Variants in ZBTB20 observed in about 807,000 individuals in gnomAD.
The protein encoded by ZBTB20 is zinc finger and BTB domain containing 20.
Under a neutral mutation model 56.9 loss-of-function variants are expected in ZBTB20, and 9 were observed. That is an observed-to-expected ratio of 0.16 (90% CI 0.10 to 0.28). The LOEUF (loss-of-function observed/expected upper bound fraction) is 0.28. Among genes scored for constraint, ZBTB20 ranks in the 10% least tolerant of loss-of-function variants. The pLI, the probability that ZBTB20 is intolerant of heterozygous loss-of-function variation, is 1.00. For synonymous variants in ZBTB20, 417 were observed against 420.7 expected, an observed-to-expected ratio of 0.99 and a Z score of 0.11; for missense variants, 655 against 1,003.0, an observed-to-expected ratio of 0.65 and a Z score of 4.69.
At chr3:114,813,273 C>T (rs1578987803) in intron 4 of ZBTB20, among the ~76,000 whole-genome samples, 3 of 152,216 alleles carry the variant, frequency 2.0e-5, no homozygotes, top group African/African-American at 7.2e-5. Flanking sequence ...CTTGAAGTCT[C>T]GAACACCTAT....
intron 6 of ZBTB20, among the ~76,000 whole-genome samples, chr3:114,563,402 G>A (rs2052344232): frequency 6.6e-6 from 1 of 152,054 alleles, no homozygotes; most frequent in Non-Finnish European, 1.5e-5. Context: ...TTAATCTTCG[G>A]TAAAAATTTT....
At position 114,849,200 on chromosome 3, in the gene ZBTB20, T is replaced by C. The variant is rs1340036517; in HGVS notation, c.-416-48026A>G. On this transcript the variant is annotated intron_variant, in intron 4 of 11. Transcript: ENST00000675478. ...AACCAAGGTCAGAGCACTGAGACAA[T>C]TGTGCTAACTAGGCAACAGGGATAA... 2.0e-5 allele frequency among the ~76,000 whole-genome samples: 3 copies of C among 152,182 alleles called. No individual in the cohort carries two copies. In the East Asian group the frequency reaches 5.8e-4, roughly 29 times the overall value.
intron 5 of ZBTB20, among the ~76,000 whole-genome samples, chr3:114,772,401 G>A (rs577733946): frequency 6.6e-6 from 1 of 151,904 alleles, no homozygotes; most frequent in Non-Finnish European, 1.5e-5. Flanking sequence ...CTTGATCTGG[G>A]CTTACTTCCT....
At chr3:114,697,644 T>C (rs1484895132) in intron 5 of ZBTB20, among the ~76,000 whole-genome samples, 1 of 151,940 alleles carries the variant, frequency 6.6e-6, no homozygotes, top group Non-Finnish European at 1.5e-5. Context: ...ACCGGTTAAG[T>C]GATGTTGCGT....
intron 5 of ZBTB20, among the ~76,000 whole-genome samples, chr3:114,745,516 C>A (rs2066974094): frequency 6.6e-6 from 1 of 152,142 alleles, no homozygotes; most frequent in Non-Finnish European, 1.5e-5. Flanking sequence ...AAGACTGAAT[C>A]ACCCAAAGAT....
intron 4 of ZBTB20, among the ~76,000 whole-genome samples, chr3:114,857,870 C>T (rs1293758092): frequency 1.3e-5 from 2 of 152,206 alleles, no homozygotes. Context: ...GTGCTTCTGA[C>T]AATCAGTGTC....
intron 6 of ZBTB20, among the ~76,000 whole-genome samples, chr3:114,670,582 A>G (rs995182108): frequency 9.2e-5 from 14 of 152,060 alleles, no homozygotes; most frequent in African/African-American, 3.4e-4. Context: ...TCCTACCAAG[A>G]GACCACCACT....
intron 1 of ZBTB20, among the ~76,000 whole-genome samples, chr3:115,119,798 CAGAG>C (rs983547993): frequency 2.0e-5 from 3 of 152,034 alleles, no homozygotes; most frequent in Admixed American, 6.6e-5. Context: ...TGTTCTAAAA[CAGAG>C]AGAGAGAAAG....
In ZBTB20 at chr3:114,418,685, T is replaced by C. The variant is rs964761494; in HGVS notation, c.-254-29580A>G. On this transcript the variant is annotated intron_variant, in intron 7 of 11. Transcript: ENST00000675478. ...TTACTCAGGGCATTTTAAAGTAGAATAGACAAAACACTAGTGGGGTATGTT... is the reference window on the plus strand; with the variant it reads ...TTACTCAGGGCATTTTAAAGTAGAACAGACAAAACACTAGTGGGGTATGTT... Among the ~76,000 whole-genome samples, 9 of 152,050 alleles carry C rather than the reference T, an allele frequency of 5.9e-5. No individual in the cohort carries two copies. In the South Asian group the frequency reaches 6.2e-4, roughly 11 times the overall value.
chr3:114,341,439 T>C (rs149475356), intron 11 of ZBTB20, among the ~76,000 whole-genome samples: 2 of 152,316 alleles, frequency 1.3e-5, no homozygotes, highest in East Asian at 1.9e-4. Context: ...TTAAAACATG[T>C]CCACCTGTCA....
At chr3:114,559,558 G>A (rs994335937) in intron 6 of ZBTB20, among the ~76,000 whole-genome samples, 1 of 152,042 alleles carries the variant, frequency 6.6e-6, no homozygotes, top group African/African-American at 2.4e-5. Flanking sequence ...TTGGGAAGAG[G>A]GTCCATAGCT....
At chr3:114,993,983 T>C (rs1172560795) in intron 2 of ZBTB20, among the ~76,000 whole-genome samples, 2 of 151,830 alleles carry the variant, frequency 1.3e-5, no homozygotes, top group Non-Finnish European at 2.9e-5. Flanking sequence ...AGAAGAGGTG[T>C]AATATATTAG....
chr3:114,615,342 G>A lies in ZBTB20; in HGVS notation c.-295+78186C>T, dbSNP rs184466808. Among the ~76,000 whole-genome samples the A allele has an allele frequency of 1.8e-3, 275 of 152,116 alleles. 1 individual carries two copies. Among genetic ancestry groups the A allele is most frequent in the South Asian group, 6.2e-3 (30 of 4,812 alleles). On this transcript the variant is annotated intron_variant, in intron 6 of 11. Transcript: ENST00000675478. ...TAGAATGTCCCTGTTAGATATCTAG[G>A]GAATCACTTTTAGGGGACACTATAT...
Position 114,316,626 on chromosome 3 carries a change from C to T in ZBTB20, c.*22379G>A. 3.8e-6 allele frequency: 2 copies of T among 520,010 alleles called. No individual in the cohort carries two copies. Among genetic ancestry groups the T allele is most frequent in the South Asian group, 1.4e-5 (1 of 69,228 alleles). 32.2% of individuals were successfully genotyped at this position (520,010 alleles called of 1,614,324 possible). A position where few individuals can be genotyped will look rare whatever the true frequency, so the allele number is the denominator to read the frequency against. ...AGACACTAGCACATGCTTAACTTTC[C>T]CCTGCTCCCTCTGTATATTTTAAAC... On this transcript the variant is annotated 3_prime_UTR_variant, in exon 12 of 12. Transcript: ENST00000675478.
intron 6 of ZBTB20, among the ~76,000 whole-genome samples, chr3:114,584,647 C>T (rs1433826240): frequency 6.6e-6 from 1 of 152,042 alleles, no homozygotes; most frequent in Non-Finnish European, 1.5e-5. Context: ...AACATTTCAC[C>T]CTGGAGACAG....
At chr3:114,487,730 G>C (rs2042292339) in intron 7 of ZBTB20, among the ~76,000 whole-genome samples, 1 of 152,190 alleles carries the variant, frequency 6.6e-6, no homozygotes, top group African/African-American at 2.4e-5. Context: ...AGGTGATGCT[G>C]TTAGTGTGGT....
chr3:114,954,149 T>G (rs921758984), intron 3 of ZBTB20, among the ~76,000 whole-genome samples: 1 of 152,184 alleles, frequency 6.6e-6, no homozygotes, highest in Non-Finnish European at 1.5e-5. Context: ...TTTAAATATT[T>G]GTGTAATCCA....
At chr3:114,351,999 CG>C in intron 10 of ZBTB20, 121 bp from the exon 11 acceptor site, 3 of 1,266,114 alleles carry the variant, frequency 2.4e-6, no homozygotes, top group Non-Finnish European at 3.2e-6. Context: ...CCCTTACATA[CG>C]CAAGTGGGGA....
chr3:114,491,684 T>A (rs2042769118), intron 7 of ZBTB20, among the ~76,000 whole-genome samples: 1 of 152,214 alleles, frequency 6.6e-6, no homozygotes, highest in Admixed American at 6.5e-5. Context: ...GGATCTCTCC[T>A]CTCTACGGTA....
Sources: gnomAD v4.1 joint callset for allele counts (sites outside exome capture counted in the v4.1 genomes callset) on GRCh38, gnomAD v4.1.1 for gene constraint, MANE v1.5 for transcripts, NCBI Gene and HGNC (gene_info 2026-07-23, HGNC 2026-07-21) for gene names.